The following CNOT6 variants were observed in gnomAD, a reference collection of about 807,000 sequenced individuals.
CNOT6 encodes the protein CCR4-NOT transcription complex subunit 6.
CNOT6 carries 12 observed loss-of-function variants against 61.2 expected under a neutral mutation model. The ratio of observed to expected loss-of-function variants is 0.20; its 90% CI spans 0.13 to 0.32. The LOEUF (loss-of-function observed/expected upper bound fraction) is 0.32. Among genes scored for constraint, CNOT6 ranks in the 10% least tolerant of loss-of-function variants. The pLI, the probability that CNOT6 is intolerant of heterozygous loss-of-function variation, is 1.00. For synonymous variants in CNOT6, 225 were observed against 240.6 expected (o/e 0.94, Z 0.60); for missense variants, 405 against 663.9 (o/e 0.61, Z 4.28).
chr5:180,534,658 C>CCCT (rs1758578921), intron 2 of CNOT6: 5 of 149,974 alleles, frequency 3.3e-5, no homozygotes, highest in African/African-American at 1.2e-4. Flanking sequence ...GGGCCGGAGT[C>CCCT]GCTGGGGTCC....
chr5:180,537,330 G>A (rs941473293), intron 2 of CNOT6, among the ~76,000 whole-genome samples: 18 of 152,118 alleles, frequency 1.2e-4, no homozygotes, highest in African/African-American at 4.3e-4. Context: ...ATCCTGATAG[G>A]TGTGTAGCAG....
chr5:180,558,626 T>C (rs1760023599), intron 4 of CNOT6, among the ~76,000 whole-genome samples: 1 of 151,934 alleles, frequency 6.6e-6, no homozygotes, highest in African/African-American at 2.4e-5. Flanking sequence ...GTTTGCTTTT[T>C]TTTTTTCCTA....
At chr5:180,510,173 A>G (rs1757327170) in intron 1 of CNOT6, among the ~76,000 whole-genome samples, 6 of 43,322 alleles carry the variant, frequency 1.4e-4, no homozygotes, top group African/African-American at 2.8e-4. Context: ...TTTTTTTAAG[A>G]GATGGTGTTT....
chr5:180,566,549 C>A (rs1176920402), intron 7 of CNOT6, among the ~76,000 whole-genome samples: 1 of 149,884 alleles, frequency 6.7e-6, no homozygotes, highest in East Asian at 2.0e-4. Flanking sequence ...TGTTCTTAAA[C>A]AACAATGAGT....
intron 1 of CNOT6, among the ~76,000 whole-genome samples, chr5:180,498,908 G>T (rs1756740197): frequency 6.6e-6 from 1 of 152,314 alleles, no homozygotes; most frequent in East Asian, 1.9e-4. Flanking sequence ...TCCTGCTTCA[G>T]CCTCCCGAGT....
At position 180,550,549 on chromosome 5, in the gene CNOT6, C is replaced by T. The variant is rs1759545862; in HGVS notation, c.299+432C>T. Among the ~76,000 whole-genome samples the T allele has an allele frequency of 2.6e-5, 4 of 152,108 alleles. No individual in the cohort carries two copies. In the South Asian group the frequency reaches 8.3e-4, roughly 31 times the overall value. On this transcript the variant is annotated intron_variant, in intron 3 of 11. Transcript: ENST00000261951. Reference sequence around the variant, plus strand: ...GGAAACATAACTATATCCTTTATAACTTTATAGTTTTGTTTTTGGGAAAAT... The same window carrying T: ...GGAAACATAACTATATCCTTTATAATTTTATAGTTTTGTTTTTGGGAAAAT...
At chr5:180,542,099 G>C (rs1296172909) in intron 2 of CNOT6, among the ~76,000 whole-genome samples, 1 of 152,104 alleles carries the variant, frequency 6.6e-6, no homozygotes, top group Admixed American at 6.6e-5. Flanking sequence ...ATGTATGCCT[G>C]TTTTCTGTGG....
In CNOT6 at chr5:180,564,611, T is replaced by A; in HGVS notation, c.490+18T>A. ...AAAAAGAAGTAAGTGGTTATTTGTT[T>A]AAACCTTTTTATTAGGAAGACGTGT... On this transcript the variant is annotated intron_variant, in intron 5 of 11. Coordinates refer to ENST00000261951, the MANE Select transcript of CNOT6 (RefSeq NM_001370472.1). The A allele has an allele frequency of 1.2e-6, 2 of 1,610,144 alleles. No individual in the cohort carries two copies. Among genetic ancestry groups the A allele is most frequent in the Non-Finnish European group, 1.7e-6 (2 of 1,176,420 alleles).
chr5:180,557,218 G>A (rs959533052), intron 4 of CNOT6, among the ~76,000 whole-genome samples: 1 of 152,200 alleles, frequency 6.6e-6, no homozygotes, highest in Non-Finnish European at 1.5e-5. Flanking sequence ...CAGTGTGCAG[G>A]TTATTGTGTG....
chr5:180,556,904 C>T (rs756891430), intron 4 of CNOT6, among the ~76,000 whole-genome samples: 1 of 151,080 alleles, frequency 6.6e-6, no homozygotes, highest in African/African-American at 2.4e-5. Context: ...TGCAGTGAGC[C>T]GAGATCGTGC....
intron 10 of CNOT6, among the ~76,000 whole-genome samples, chr5:180,569,889 G>A (rs1480874112): frequency 6.6e-6 from 1 of 152,168 alleles, no homozygotes; most frequent in Non-Finnish European, 1.5e-5. Flanking sequence ...TCTTTCCGTG[G>A]ATAGTATACA....
chr5:180,537,500 T>G (rs991136510), intron 2 of CNOT6, among the ~76,000 whole-genome samples: 2 of 149,794 alleles, frequency 1.3e-5, no homozygotes, highest in South Asian at 2.1e-4. Context: ...GTTTTAAGAG[T>G]TTTTTTTTTA....
At chr5:180,524,577 A>G (rs2127716348) in intron 1 of CNOT6, among the ~76,000 whole-genome samples, 1 of 152,318 alleles carries the variant, frequency 6.6e-6, no homozygotes, top group East Asian at 1.9e-4. Context: ...CACAATACGA[A>G]AAACCAAGAA....
rs1270308218 is a variant in CNOT6 at position 180,507,004 on chromosome 5, C to G, written c.-3+12241C>G. Among the ~76,000 whole-genome samples, 5 of 152,096 alleles carry G rather than the reference C, an allele frequency of 3.3e-5. No homozygotes were observed. In the East Asian group the frequency reaches 9.6e-4, roughly 29 times the overall value. ...CATGTTTTCGAGGTTTAGCATAGCT[C>G]AGAGCTGGAAACAGTAAACTTCTGT... On this transcript the variant is annotated intron_variant, in intron 1 of 11. Coordinates refer to ENST00000261951, the MANE Select transcript of CNOT6 (RefSeq NM_001370472.1).
At chr5:180,570,406 T>C (rs1324814320) in intron 10 of CNOT6, among the ~76,000 whole-genome samples, 1 of 152,096 alleles carries the variant, frequency 6.6e-6, no homozygotes, top group Non-Finnish European at 1.5e-5. Flanking sequence ...GAGTTAAAAT[T>C]CAATTTCAGG....
At chr5:180,513,000 A>G (rs985477151) in intron 1 of CNOT6, among the ~76,000 whole-genome samples, 1 of 151,902 alleles carries the variant, frequency 6.6e-6, no homozygotes, top group African/African-American at 2.4e-5. Context: ...GGTTCACGCC[A>G]TTCTTCTGTC....
At position 180,507,847 on chromosome 5, in the gene CNOT6, G is replaced by A. The variant is rs571173702; in HGVS notation, c.-3+13084G>A. Among the ~76,000 whole-genome samples the A allele has an allele frequency of 6.6e-5, 10 of 152,324 alleles. No individual in the cohort carries two copies. The South Asian group carries it at 1.0e-3, about 16-fold the overall frequency. Reference sequence around the variant, plus strand: ...TGAAGGGGAAGCAGGTAGTCTTCACGTGGCCAGAGCTGGAAGAAGTTGGGG... The same window carrying A: ...TGAAGGGGAAGCAGGTAGTCTTCACATGGCCAGAGCTGGAAGAAGTTGGGG... On this transcript the variant is annotated intron_variant, in intron 1 of 11. Coordinates refer to ENST00000261951, the MANE Select transcript of CNOT6 (RefSeq NM_001370472.1).
At chr5:180,529,767 A>G (rs181269816) in intron 2 of CNOT6, among the ~76,000 whole-genome samples, 1,871 of 152,252 alleles carry the variant, frequency 0.012, 39 homozygotes, top group Non-Finnish European at 0.019. Flanking sequence ...TCAATGATAG[A>G]TTTCTGGTGG....
At chr5:180,527,134 C>T (rs1758137839) in intron 1 of CNOT6, among the ~76,000 whole-genome samples, 1 of 152,174 alleles carries the variant, frequency 6.6e-6, no homozygotes, top group South Asian at 2.1e-4. Flanking sequence ...GCTGGGATTA[C>T]AGGCATGAGC....
Sources: allele counts gnomAD v4.1 joint callset (sites outside exome capture counted in the v4.1 genomes callset), GRCh38; gene constraint gnomAD v4.1.1; transcripts MANE v1.5; gene names NCBI Gene and HGNC (gene_info 2026-07-23, HGNC 2026-07-21).